Variants in MTDH observed in about 807,000 individuals in gnomAD.
MTDH encodes metadherin, also known as protein LYRIC.
In MTDH, 34 loss-of-function variants were observed where a neutral mutation model predicts 72.7. The observed-to-expected ratio is 0.47, with a 90% CI of 0.36 to 0.62. MTDH has a LOEUF of 0.62. Ranked by LOEUF, MTDH falls within the 20% of genes least tolerant of loss-of-function variation. The probability of loss-of-function intolerance (pLI) is 0.00; values close to 1 mark genes in which losing one functional copy is unlikely to be tolerated. For missense variants in MTDH, 677 were observed against 699.4 expected (o/e 0.97, Z 0.36); for synonymous variants, 266 against 268.9 (o/e 0.99, Z 0.10).
chr8:97,724,916 T>A lies in MTDH; in HGVS notation c.*246T>A. The stretch of plus-strand genomic sequence containing the variant: ...AGTCTTTTTAATAGAACAAGAACGA[T>A]CTTAATTTAAGAATATTATCCTGGT... On this transcript the variant is annotated 3_prime_UTR_variant, in exon 12 of 12. Transcript: ENST00000336273. The A allele has an allele frequency of 3.4e-6, 1 of 294,948 alleles. No homozygotes were observed. Among genetic ancestry groups the A allele is most frequent in the Non-Finnish European group, 6.3e-6 (1 of 159,320 alleles). 18.3% of individuals were successfully genotyped at this position (294,948 alleles called of 1,614,324 possible).
chr8:97,716,723 T>G (rs1453681826), intron 9 of MTDH, among the ~76,000 whole-genome samples: 1 of 152,156 alleles, frequency 6.6e-6, no homozygotes, highest in African/African-American at 2.4e-5. Context: ...TTTGTTTGTT[T>G]TTTGAGACAT....
chr8:97,679,065 G>C (rs1812967589), intron 2 of MTDH, among the ~76,000 whole-genome samples: 2 of 152,170 alleles, frequency 1.3e-5, no homozygotes, highest in African/African-American at 4.8e-5. Context: ...CCAGATTCCA[G>C]AGCACGAGTA....
chr8:97,712,543 T>G (rs572282632), intron 8 of MTDH, among the ~76,000 whole-genome samples: 1 of 152,328 alleles, frequency 6.6e-6, no homozygotes, highest in South Asian at 2.1e-4. Context: ...AGCTGCTAAA[T>G]GTGTAGGTTT....
intron 8 of MTDH, among the ~76,000 whole-genome samples, chr8:97,709,895 T>C (rs1814550057): frequency 6.6e-6 from 1 of 152,200 alleles, no homozygotes; most frequent in South Asian, 2.1e-4. Flanking sequence ...TTAAAAGTTG[T>C]AGAGTTGATT....
chr8:97,704,487 G>A (rs541522926), intron 7 of MTDH, among the ~76,000 whole-genome samples: 1 of 152,188 alleles, frequency 6.6e-6, no homozygotes, highest in African/African-American at 2.4e-5. Context: ...ACATGGCTGT[G>A]GTCCCAGCTG....
At chr8:97,710,684 A>C (rs1814589913) in intron 8 of MTDH, among the ~76,000 whole-genome samples, 1 of 38,822 alleles carries the variant, frequency 2.6e-5, no homozygotes, top group Admixed American at 2.8e-4. Flanking sequence ...AGACTATCTC[A>C]AAAAAAAAAA....
intron 7 of MTDH, 165 bp from the exon 8 acceptor site, chr8:97,706,457 TAAAG>T: frequency 2.1e-6 from 1 of 466,554 alleles, no homozygotes; most frequent in East Asian, 3.9e-5. Flanking sequence ...AGAAATTGAA[TAAAG>T]ATTGTTACCT....
Position 97,724,734 on chromosome 8 carries a change from G to A in MTDH, c.*64G>A. The A allele has an allele frequency of 7.8e-7, 1 of 1,285,550 alleles. No individual in the cohort carries two copies. The highest frequency in any genetic ancestry group is 1.4e-5 in the South Asian group (1 of 70,250). The allele number at this position is 1,285,550 out of a possible 1,614,324, so 79.6% of individuals were successfully genotyped here. On this transcript the variant is annotated 3_prime_UTR_variant, in exon 12 of 12. Coordinates refer to ENST00000336273, the MANE Select transcript of MTDH (RefSeq NM_178812.4). The stretch of plus-strand genomic sequence containing the variant: ...TTGTCTTGAAGATTATGCTGTTTAT[G>A]CAATAATTTGTGAACATGTACAGAG...
In MTDH at chr8:97,698,242, A is replaced by G. The variant is rs182221554; in HGVS notation, c.1049-1512A>G. ...TACAGTGGCTCTGAATCCAAAATAC[A>G]TATCAGAGTCATCTAAGGACTCCAG... On this transcript the variant is annotated intron_variant, in intron 6 of 11. Transcript: ENST00000336273. Among the ~76,000 whole-genome samples the G allele has an allele frequency of 3.3e-5, 5 of 152,346 alleles. No individual in the cohort carries two copies. In the East Asian group the frequency reaches 9.6e-4, roughly 29 times the overall value.
chr8:97,706,740 A>T lies in MTDH; in HGVS notation c.1262A>T (p.Asp421Val). Residue 421 changes from aspartate to valine, a missense_variant, in exon 8 of 12, where the codon GAT (aspartate) becomes GTT (valine). Physicochemically the swap from Asp to Val is radical, Grantham distance 152 (BLOSUM62 -3). Around this residue, in one of 3 missense-constraint regions of MTDH, gnomAD observed 201 missense variants for 204.5 expected, o/e 0.98. Coordinates refer to ENST00000336273, the MANE Select transcript of MTDH (RefSeq NM_178812.4). Reference protein sequence around the residue: ...SLLKSQEPIPDDQKVSDDDKE... With the variant: ...SLLKSQEPIPVDQKVSDDDKE... ...CTAAAGTCCCAGGAACCAATTCCTG[A>T]TGATCAAAAGGTGAGTATAAGAGAT... The T allele has an allele frequency of 1.9e-6, 3 of 1,613,372 alleles. No homozygotes were observed. Among genetic ancestry groups the T allele is most frequent in the Non-Finnish European group, 2.5e-6 (3 of 1,179,700 alleles).
At chr8:97,710,986 C>A (rs1247791784) in intron 8 of MTDH, among the ~76,000 whole-genome samples, 1 of 151,806 alleles carries the variant, frequency 6.6e-6, no homozygotes, top group Admixed American at 6.6e-5. Flanking sequence ...GGCAACAGAG[C>A]AAGACTCCAT....
At chr8:97,716,887 A>G (rs2131075557) in intron 9 of MTDH, among the ~76,000 whole-genome samples, 1 of 151,936 alleles carries the variant, frequency 6.6e-6, no homozygotes, top group African/African-American at 2.4e-5. Context: ...TCCCTATGTT[A>G]CCCAGGCTAT....
intron 9 of MTDH, among the ~76,000 whole-genome samples, chr8:97,716,005 T>C (rs1036762716): frequency 5.3e-5 from 8 of 152,212 alleles, no homozygotes; most frequent in Non-Finnish European, 1.2e-4. Flanking sequence ...TTTTTTACCT[T>C]GCACAAGTTA....
intron 9 of MTDH, among the ~76,000 whole-genome samples, chr8:97,717,600 C>T (rs1390980535): frequency 6.8e-6 from 1 of 147,490 alleles, no homozygotes; most frequent in Non-Finnish European, 1.5e-5. Context: ...TGGTGATATT[C>T]TTTATGTATA....
intron 2 of MTDH, among the ~76,000 whole-genome samples, chr8:97,676,319 A>G (rs1440619806): frequency 1.3e-5 from 2 of 152,162 alleles, no homozygotes. Context: ...CTTAATGATA[A>G]GAATAGTGTC....
rs923705458 is a variant in MTDH, at chr8:97,687,482, G to C, written c.622G>C (p.Asp208His). 1 of 1,612,984 alleles carries C rather than the reference G, an allele frequency of 6.2e-7. No homozygotes were observed. Among genetic ancestry groups the C allele is most frequent in the Non-Finnish European group, 8.5e-7 (1 of 1,179,518 alleles). ...AGAGAAACGACAGCAGCGTAAACGT[G>C]ATAAGGTGCTGACTGATTCTGGTTC... is the stretch of plus-strand genomic sequence containing the variant. ...HREKRQQRKR[D>H]KVLTDSGSLD... is the part of the protein sequence containing the mutation. Residue 208 changes from aspartate to histidine, a missense_variant, in exon 4 of 12, where the codon GAT becomes CAT. By Grantham distance (81) the Asp-to-His change is moderately conservative. This residue lies in a region of MTDH where 467 missense variants were observed against 469.1 expected (regional missense o/e 1.00). Coordinates refer to ENST00000336273, the MANE Select transcript of MTDH (RefSeq NM_178812.4).
chr8:97,670,627 TAAAATAA>T (rs1174778856), intron 2 of MTDH, among the ~76,000 whole-genome samples: 3 of 151,930 alleles, frequency 2.0e-5, no homozygotes, highest in Admixed American at 1.3e-4. Flanking sequence ...CGTCTCAAAA[TAAAATAA>T]AAAATAAAAA....
intron 2 of MTDH, among the ~76,000 whole-genome samples, chr8:97,665,955 C>T (rs1391554164): frequency 1.4e-4 from 21 of 151,908 alleles, no homozygotes; most frequent in Admixed American, 7.2e-4. Flanking sequence ...AGTGAAACCC[C>T]GTCTCTACTA....
chr8:97,672,888 T>G (rs1812685756), intron 2 of MTDH, among the ~76,000 whole-genome samples: 2 of 152,214 alleles, frequency 1.3e-5, no homozygotes. Flanking sequence ...GCTTGTGCCG[T>G]GTGCTATGTC....
Sources: allele counts gnomAD v4.1 joint callset (sites outside exome capture counted in the v4.1 genomes callset), GRCh38; gene constraint gnomAD v4.1.1; regional missense constraint gnomAD v4.1.1; transcripts MANE v1.5; gene names NCBI Gene and HGNC (gene_info 2026-07-23, HGNC 2026-07-21).